The following PCBP3 variants were observed in gnomAD, a reference collection of about 807,000 sequenced individuals.
The protein encoded by PCBP3 is poly(rC)-binding protein 3.
A neutral mutation model predicts 52.7 loss-of-function variants in PCBP3; 25 were observed. That is an observed-to-expected ratio of 0.47 (90% CI 0.35 to 0.66). The LOEUF (loss-of-function observed/expected upper bound fraction) is 0.66, where lower values mean the gene tolerates loss of function less well. PCBP3 is among the 30% of genes least tolerant of loss of function. The pLI, the probability that PCBP3 is intolerant of heterozygous loss-of-function variation, is 0.01. For missense variants in PCBP3, 391 were observed against 490.3 expected, an observed-to-expected ratio of 0.80 and a Z score of 1.91; for synonymous variants, 162 against 183.0, an observed-to-expected ratio of 0.89 and a Z score of 0.93.
intron 1 of PCBP3, among the ~76,000 whole-genome samples, chr21:45,651,321 T>C (rs112197886): frequency 1.3e-5 from 2 of 151,016 alleles, no homozygotes; most frequent in Non-Finnish European, 2.9e-5. Flanking sequence ...TTATACAACG[T>C]TTTTTCTATT....
intron 4 of PCBP3, among the ~76,000 whole-genome samples, chr21:45,770,965 G>A (rs2089818157): frequency 6.6e-6 from 1 of 152,256 alleles, no homozygotes; most frequent in Admixed American, 6.5e-5. Context: ...GTGCTTTCCA[G>A]TGGTTTGTTT....
intron 4 of PCBP3, among the ~76,000 whole-genome samples, chr21:45,774,403 GA>G (rs1243900973): frequency 6.1e-5 from 9 of 148,690 alleles, no homozygotes; most frequent in African/African-American, 2.0e-4. Context: ...AAAAAAAAAA[GA>G]AAAAAAAGTC....
chr21:45,711,957 T>C (rs536177469), intron 2 of PCBP3, among the ~76,000 whole-genome samples: 2 of 152,344 alleles, frequency 1.3e-5, no homozygotes, highest in Non-Finnish European at 2.9e-5. Context: ...TCCCTGATAA[T>C]CACTGATCTG....
At chr21:45,888,003 C>T (rs574347697) in intron 5 of PCBP3, among the ~76,000 whole-genome samples, 3 of 152,340 alleles carry the variant, frequency 2.0e-5, no homozygotes, top group South Asian at 4.1e-4. Flanking sequence ...CCCTGCATCG[C>T]TGCTGACCCA....
At chr21:45,845,560 T>C (rs1023458225) in intron 4 of PCBP3, among the ~76,000 whole-genome samples, 1 of 150,752 alleles carries the variant, frequency 6.6e-6, no homozygotes, top group Non-Finnish European at 1.5e-5. Context: ...TGTGAGCTGC[T>C]TAAGCACCCG....
At position 45,880,592 on chromosome 21, in the gene PCBP3, C is replaced by T. The variant is rs117431536; in HGVS notation, c.11-15616C>T. 1.5e-3 allele frequency among the ~76,000 whole-genome samples: 235 copies of T among 152,230 alleles called. 6 individuals are homozygous for T. The East Asian group carries it at 0.043, about 28-fold the overall frequency. The stretch of plus-strand genomic sequence containing the variant: ...GTCTAATCCTTAAATACATACTGCG[C>T]CCCCTTGTGGGCCAAGAGTGGTGCT... On this transcript the variant is annotated intron_variant, in intron 5 of 17. Coordinates refer to ENST00000681687, the MANE Select transcript of PCBP3 (RefSeq NM_001384156.1). The surrounding 1 kb of genome is among the most constrained non-coding windows in gnomAD (Gnocchi z 5.4).
At chr21:45,892,471 G>T (rs769348859) in intron 5 of PCBP3, among the ~76,000 whole-genome samples, 10 of 11,366 alleles carry the variant, frequency 8.8e-4, no homozygotes, top group Non-Finnish European at 1.3e-3. Context: ...GACGGGGCGT[G>T]GGGGGGGGGG....
intron 13 of PCBP3, among the ~76,000 whole-genome samples, chr21:45,926,590 C>T (rs1447404586): frequency 6.6e-6 from 1 of 152,116 alleles, no homozygotes; most frequent in African/African-American, 2.4e-5. Context: ...AGGAAGCCGT[C>T]TATGAGACTT....
rs1427364192 is a variant in PCBP3, at chr21:45,737,374, C to T, written c.-162+1945C>T. Among the ~76,000 whole-genome samples the T allele has an allele frequency of 2.6e-5, 4 of 152,196 alleles. No individual in the cohort carries two copies. The highest frequency in any genetic ancestry group is 4.4e-5 in the Non-Finnish European group (3 of 68,028). On this transcript the variant is annotated intron_variant, in intron 3 of 17. Coordinates refer to ENST00000681687, the MANE Select transcript of PCBP3 (RefSeq NM_001384156.1). The surrounding 1 kb of genome is among the most constrained non-coding windows in gnomAD (Gnocchi z 4.9). ...GGGCCAACTTTGTAATCTTACAAAT[C>T]TGGATCTAATTTTCACCAAACTCTC...
At chr21:45,814,980 G>A (rs1681200923) in intron 4 of PCBP3, among the ~76,000 whole-genome samples, 1 of 117,412 alleles carries the variant, frequency 8.5e-6, no homozygotes, top group African/African-American at 3.4e-5. Context: ...AGTGATGAGT[G>A]AGTGGTGAGT....
intron 13 of PCBP3, among the ~76,000 whole-genome samples, chr21:45,923,807 G>A (rs1355886970): frequency 6.6e-6 from 1 of 151,856 alleles, no homozygotes; most frequent in African/African-American, 2.4e-5. Flanking sequence ...GCACACGTAA[G>A]ATCGGGTGTG....
rs1214240931 is a variant in PCBP3 at position 45,827,113 on chromosome 21, G to A, written c.-125-22848G>A. Among the ~76,000 whole-genome samples the A allele has an allele frequency of 6.6e-6, 1 of 152,134 alleles. No homozygotes were observed. The highest frequency in any genetic ancestry group is 2.4e-5 in the African/African-American group (1 of 41,442). On this transcript the variant is annotated intron_variant, in intron 4 of 17. Transcript: ENST00000681687. This position sits in a 1 kb window ranked among gnomAD's most constrained non-coding sequence, Gnocchi z 4.3. The stretch of plus-strand genomic sequence containing the variant: ...AGCGCTCCCCACTCCCGCGTCCCTG[G>A]GGACCACACGGGGACTGGAGCTCCC...
In PCBP3 at chr21:45,736,581, T is replaced by C. The variant is rs2085885775; in HGVS notation, c.-162+1152T>C. Among the ~76,000 whole-genome samples the C allele has an allele frequency of 6.6e-6, 1 of 151,330 alleles. No individual in the cohort carries two copies. The highest frequency in any genetic ancestry group is 1.5e-5 in the Non-Finnish European group (1 of 67,808). ...GGGGGAGGCCCTCGGAGAGATGGCA[T>C]GGGGAGTTGGCAGGGGGAGGCTCTC... On this transcript the variant is annotated intron_variant, in intron 3 of 17. Transcript: ENST00000681687. This position sits in a 1 kb window ranked among gnomAD's most constrained non-coding sequence, Gnocchi z 4.6.
intron 9 of PCBP3, chr21:45,901,379 C>T (rs774474717): frequency 2.5e-4 from 106 of 419,514 alleles, no homozygotes; most frequent in Non-Finnish European, 1.7e-4. Context: ...TCCCCAGACC[C>T]TGCCCTGGGG....
At chr21:45,892,152 C>T (rs59234892) in intron 5 of PCBP3, among the ~76,000 whole-genome samples, 22,289 of 152,128 alleles carry the variant, frequency 0.15, 1,783 homozygotes, top group Middle Eastern at 0.28. Context: ...AGGACCGCGG[C>T]GTCCTTCCTA....
At position 45,853,274 on chromosome 21, in the gene PCBP3, G is replaced by A. The variant is rs894990054; in HGVS notation, c.10+3179G>A. On this transcript the variant is annotated intron_variant, in intron 5 of 17. Coordinates refer to ENST00000681687, the MANE Select transcript of PCBP3 (RefSeq NM_001384156.1). The surrounding 1 kb of genome is among the most constrained non-coding windows in gnomAD (Gnocchi z 4.6). ...AAGGTGACCTCAGTGCCCCTGCCTA[G>A]AAGAGTGAAAACCTAACTGTGGCAG... is the stretch of plus-strand genomic sequence containing the variant. Among the ~76,000 whole-genome samples, 1 of 152,212 alleles carries A rather than the reference G, an allele frequency of 6.6e-6. No individual in the cohort carries two copies. Among genetic ancestry groups the A allele is most frequent in the African/African-American group, 2.4e-5 (1 of 41,462 alleles).
chr21:45,820,665 G>A (rs2093105195), intron 4 of PCBP3, among the ~76,000 whole-genome samples: 1 of 152,190 alleles, frequency 6.6e-6, no homozygotes, highest in African/African-American at 2.4e-5. Context: ...TTAGAGCCAA[G>A]CCCCAGAGGC....
chr21:45,751,299 T>C (rs1023892962), intron 3 of PCBP3, among the ~76,000 whole-genome samples: 2 of 152,250 alleles, frequency 1.3e-5, no homozygotes, highest in African/African-American at 2.4e-5. Flanking sequence ...CTAATGTATC[T>C]TGCTACATAT....
chr21:45,744,313 G>C (rs530742496), intron 3 of PCBP3: 5 of 152,052 alleles, frequency 3.3e-5, no homozygotes, highest in African/African-American at 1.2e-4. Context: ...TTCCACCTCA[G>C]TCTCCCACGT....
Sources: allele counts gnomAD v4.1 joint callset (sites outside exome capture counted in the v4.1 genomes callset), GRCh38; gene constraint gnomAD v4.1.1; non-coding constraint Gnocchi (gnomAD v3.1); transcripts MANE v1.5; gene names NCBI Gene and HGNC (gene_info 2026-07-23, HGNC 2026-07-21).